RSRP1: variants seen among roughly 807,000 people sequenced by gnomAD.
RSRP1 encodes arginine and serine rich protein 1.
Under a neutral mutation model 33.0 loss-of-function variants are expected in RSRP1, and 37 were observed. The ratio of observed to expected loss-of-function variants is 1.12; its 90% confidence interval spans 0.86 to 1.48. The LOEUF is 1.48. RSRP1 is among the 40% of genes most tolerant of loss of function. RSRP1 has a pLI of 0.00. For synonymous variants in RSRP1, 167 were observed against 158.7 expected (o/e 1.05, Z -0.40); for missense variants, 402 against 385.3 (o/e 1.04, Z -0.36).
chr1:25,276,229 A>G (rs1396226722), intron 1 of RSRP1, among the ~76,000 whole-genome samples: 1 of 130,322 alleles, frequency 7.7e-6, no homozygotes, highest in African/African-American at 2.6e-5. Context: ...TCTGTTAGAG[A>G]GGCACATTGA....
At chr1:25,299,774 C>T (rs543819967) in intron 1 of RSRP1, among the ~76,000 whole-genome samples, 1 of 131,728 alleles carries the variant, frequency 7.6e-6, no homozygotes, top group South Asian at 2.3e-4. Context: ...TTATTTGACG[C>T]AGTGTCACTC....
At chr1:25,314,959 C>A (rs1486637258) in intron 1 of RSRP1, among the ~76,000 whole-genome samples, 1 of 130,630 alleles carries the variant, frequency 7.7e-6, no homozygotes, top group Non-Finnish European at 1.8e-5. Flanking sequence ...AATCCCAGCA[C>A]TTTGGGAGGC....
chr1:25,332,834 T>C lies in RSRP1; in HGVS notation c.-67+5144A>G, dbSNP rs149088498. ...CACAGCCAATCGATACATAGATATA[T>C]AAGAGAGGGTTTATGAGTTAGAAAG... On this transcript the variant is annotated intron_variant, in intron 1 of 1. Coordinates refer to the RSRP1 transcript ENST00000561867. 4.2e-3 allele frequency among the ~76,000 whole-genome samples: 559 copies of C among 132,186 alleles called. 78 individuals carry two copies. The highest frequency in any genetic ancestry group is 0.014 in the African/African-American group (527 of 38,796). The allele number at this position is 132,186 out of a possible 152,430, so 86.7% of individuals were successfully genotyped here.
At position 25,246,633 on chromosome 1, in the gene RSRP1, A is replaced by C. The variant is rs766541081; in HGVS notation, c.331T>G (p.Tyr111Asp). ...GACCTGCTACGGGACCGGGACCGGTACCGCGAAGGAGACCGGTAGTATCTC... is the reference window on the plus strand; with the variant it reads ...GACCTGCTACGGGACCGGGACCGGTCCCGCGAAGGAGACCGGTAGTATCTC... ...TRRYYRSPSRYRSRSRSRSRS... is the reference protein window; with the variant it reads ...TRRYYRSPSRDRSRSRSRSRS... Residue 111 changes from tyrosine (Y) to aspartate (D), a missense_variant, in exon 2 of 5, where the codon TAC (tyrosine) becomes GAC (aspartate). Physicochemically the swap from Tyr to Asp is radical, Grantham distance 160 (BLOSUM62 -3). Coordinates refer to ENST00000243189, the MANE Select transcript of RSRP1 (RefSeq NM_020317.5). 16 of 1,613,844 alleles carry C rather than the reference A, an allele frequency of 9.9e-6. No homozygotes were observed. The South Asian group carries it at 1.8e-4, about 18-fold the overall frequency.
Position 25,294,066 on chromosome 1 carries a change from G to T in RSRP1, c.-67+43912C>A, listed in dbSNP as rs147538809. Reference sequence around the variant, plus strand: ...AGAGAAGAAGGCTGTCCACCAATGGGCTTATCTGTTATTTCTTCCTTATTG... The same window carrying T: ...AGAGAAGAAGGCTGTCCACCAATGGTCTTATCTGTTATTTCTTCCTTATTG... On this transcript the variant is annotated intron_variant, in intron 1 of 1. Transcript: ENST00000561867. 29 of 686,280 alleles carry T rather than the reference G, an allele frequency of 4.2e-5. 8 individuals carry two copies. Among genetic ancestry groups the T allele is most frequent in the Non-Finnish European group, 7.2e-5 (27 of 372,984 alleles). 42.5% of individuals were successfully genotyped at this position (686,280 alleles called of 1,614,324 possible).
At chr1:25,282,044 A>T (rs1229706105) in intron 1 of RSRP1, among the ~76,000 whole-genome samples, 1 of 131,610 alleles carries the variant, frequency 7.6e-6, no homozygotes, top group Non-Finnish European at 1.8e-5. Context: ...TGTCATGATG[A>T]TGTTGATGAA....
intron 1 of RSRP1, among the ~76,000 whole-genome samples, chr1:25,293,623 A>G (rs1426046399): frequency 1.5e-5 from 2 of 131,342 alleles, no homozygotes; most frequent in African/African-American, 5.2e-5. Context: ...AGGATTTAGA[A>G]ATTTATAATA....
chr1:25,262,202 T>G (rs1640180105), intron 1 of RSRP1, among the ~76,000 whole-genome samples: 2 of 152,220 alleles, frequency 1.3e-5, no homozygotes, highest in South Asian at 4.1e-4. Context: ...AAAAAATGGC[T>G]ACTTTCAAAG....
At chr1:25,285,751 G>C (rs661668) in intron 1 of RSRP1, among the ~76,000 whole-genome samples, 1 of 135,232 alleles carries the variant, frequency 7.4e-6, no homozygotes, top group Non-Finnish European at 1.8e-5. Context: ...ATAGGAGGAA[G>C]TAGGCTAAAT....
At position 25,280,473 on chromosome 1, in the gene RSRP1, T is replaced by C. The variant is rs1641386957; in HGVS notation, c.-66-33444A>G. 2.3e-5 allele frequency among the ~76,000 whole-genome samples: 3 copies of C among 128,324 alleles called. 1 individual carries two copies. Among genetic ancestry groups the C allele is most frequent in the Non-Finnish European group, 5.5e-5 (3 of 54,262 alleles). 84.2% of individuals were successfully genotyped at this position (128,324 alleles called of 152,430 possible). On this transcript the variant is annotated intron_variant, in intron 1 of 1. Transcript: ENST00000561867. ...GGCATGCGCCACCATGCCAGGCTAA[T>C]TTTTGTATTTTTAGTAGAGACGGGG... is the stretch of plus-strand genomic sequence containing the variant.
At chr1:25,244,890 C>A in intron 3 of RSRP1, 2 of 1,266,064 alleles carry the variant, frequency 1.6e-6, no homozygotes, top group Non-Finnish European at 2.0e-6. Context: ...TGCCACATTG[C>A]CCAGGCTAGT....
rs1243444851 is a variant in RSRP1 at position 25,275,737 on chromosome 1, T to A, written c.-66-28708A>T. ...GTGTCAATCTCCAGGCAGGGTCCAT[T>A]GCTACAGTTGACGATAGTGGATGAA... On this transcript the variant is annotated intron_variant, in intron 1 of 1. Transcript: ENST00000561867. Among the ~76,000 whole-genome samples the A allele has an allele frequency of 2.3e-5, 3 of 133,020 alleles. 1 individual carries two copies. Among genetic ancestry groups the A allele is most frequent in the Non-Finnish European group, 5.3e-5 (3 of 56,094 alleles). The allele number at this position is 133,020 out of a possible 152,430, so 87.3% of individuals were successfully genotyped here.
chr1:25,286,718 G>A (rs1356479915), intron 1 of RSRP1, among the ~76,000 whole-genome samples: 3 of 133,536 alleles, frequency 2.2e-5, no homozygotes, highest in East Asian at 1.9e-4. Context: ...CCCGGGAGGC[G>A]GAGTTTGCAG....
chr1:25,254,062 A>T (rs1414049431), intron 1 of RSRP1: 1 of 152,236 alleles, frequency 6.6e-6, no homozygotes, highest in African/African-American at 2.4e-5. Context: ...TCATAGCTAC[A>T]GTCACCAGTA....
intron 1 of RSRP1, among the ~76,000 whole-genome samples, chr1:25,287,467 TGACC>T (rs1642129803): frequency 7.4e-6 from 1 of 135,136 alleles, no homozygotes; most frequent in African/African-American, 2.6e-5. Context: ...GGCTCCTTCC[TGACC>T]GGTTCCCGTC....
intron 1 of RSRP1, among the ~76,000 whole-genome samples, chr1:25,268,774 C>G (rs1640404408): frequency 1.6e-5 from 2 of 129,000 alleles, no homozygotes; most frequent in African/African-American, 5.3e-5. Flanking sequence ...CTGGTGAAAT[C>G]CTGTCTCTAC....
In RSRP1 at chr1:25,299,604, G is replaced by A. The variant is rs1643223244; in HGVS notation, c.-67+38374C>T. Reference sequence around the variant, plus strand: ...CTAGTGGGTTTGAGGATGAGCAAGTGGAGGAGGGCAATAGGAGGTGACGCC... The same window carrying A: ...CTAGTGGGTTTGAGGATGAGCAAGTAGAGGAGGGCAATAGGAGGTGACGCC... On this transcript the variant is annotated intron_variant, in intron 1 of 1. Transcript: ENST00000561867. Among the ~76,000 whole-genome samples, 5 of 128,868 alleles carry A rather than the reference G, an allele frequency of 3.9e-5. 2 individuals carry two copies. The South Asian group carries it at 1.2e-3, about 31-fold the overall frequency. 84.5% of individuals were successfully genotyped at this position (128,868 alleles called of 152,430 possible). A position where few individuals can be genotyped will look rare whatever the true frequency, so the allele number is the denominator to read the frequency against.
In RSRP1 at chr1:25,245,140, G is replaced by C; in HGVS notation, c.672+10C>G. ...TGAAAGTTTTGTTCCGACAAACCTA[G>C]AATACTTACTTCAGGCTTTGCACCA... On this transcript the variant is annotated intron_variant, in intron 3 of 4. Transcript: ENST00000243189. 6.2e-7 allele frequency: 1 copy of C among 1,614,178 alleles called. No homozygotes were observed. Among genetic ancestry groups the C allele is most frequent in the Non-Finnish European group, 8.5e-7 (1 of 1,180,040 alleles).
chr1:25,249,312 T>G (rs1034739840), upstream of RSRP1, among the ~76,000 whole-genome samples: 3 of 152,150 alleles, frequency 2.0e-5, no homozygotes, highest in Non-Finnish European at 4.4e-5. Context: ...TCAGTCAATG[T>G]GTGCCTAAAA....
Sources: gnomAD v4.1 joint callset for allele counts (sites outside exome capture counted in the v4.1 genomes callset) on GRCh38, gnomAD v4.1.1 for gene constraint, MANE v1.5 for transcripts, NCBI Gene and HGNC (gene_info 2026-07-23, HGNC 2026-07-21) for gene names.